KLHL29: variants seen among roughly 807,000 people sequenced by gnomAD.
KLHL29 encodes kelch-like protein 29.
KLHL29 carries 21 observed loss-of-function variants against 80.4 expected under a neutral mutation model. That is an observed-to-expected ratio of 0.26 (90% CI 0.19 to 0.38). The LOEUF is 0.38. KLHL29 is among the 10% of genes least tolerant of loss of function. The pLI is 1.00. For synonymous variants in KLHL29, 511 were observed against 526.8 expected (o/e 0.97, Z 0.41); for missense variants, 867 against 1,223.9 (o/e 0.71, Z 4.35).
At chr2:23,623,971 G>A (rs757564041) in intron 3 of KLHL29, among the ~76,000 whole-genome samples, 5 of 152,142 alleles carry the variant, frequency 3.3e-5, no homozygotes, top group East Asian at 1.9e-4. Context: ...CTAACTCCCC[G>A]TGAATAAACA....
In KLHL29 at chr2:23,507,138, GC is replaced by G. The variant is rs1384378270; in HGVS notation, c.-46+31474del. On this transcript the variant is annotated intron_variant, in intron 2 of 13. Transcript: ENST00000486442. Reference sequence around the variant, plus strand: ...TGCCTGGGTGGACCTGCACGGGTGTGCCCAGCTGTTGGTGGCGCTCACTCCC... The same window carrying G: ...TGCCTGGGTGGACCTGCACGGGTGTGCCAGCTGTTGGTGGCGCTCACTCCC... The G allele has an allele frequency of 9.1e-6, 4 of 438,676 alleles. No homozygotes were observed. In the Admixed American group the frequency reaches 9.7e-5, roughly 11 times the overall value. 27.2% of individuals were successfully genotyped at this position (438,676 alleles called of 1,614,324 possible). A position where few individuals can be genotyped will look rare whatever the true frequency, so the allele number is the denominator to read the frequency against.
rs193116124 is a variant in KLHL29 at position 23,465,633 on chromosome 2, C to T, written c.-153-9927C>T. 1.8e-4 allele frequency among the ~76,000 whole-genome samples: 28 copies of T among 152,316 alleles called. 1 individual carries two copies. Among genetic ancestry groups the T allele is most frequent in the Admixed American group, 1.7e-3 (26 of 15,310 alleles). The stretch of plus-strand genomic sequence containing the variant: ...CTTTTCTCCTGTCCTGTCTCATACC[C>T]TAGTGCTTCCTTGGATCAACTCCCA... On this transcript the variant is annotated intron_variant, in intron 1 of 13. Transcript: ENST00000486442.
intron 1 of KLHL29, among the ~76,000 whole-genome samples, chr2:23,392,762 C>G (rs1202211253): frequency 6.6e-6 from 1 of 152,200 alleles, no homozygotes; most frequent in East Asian, 1.9e-4. Flanking sequence ...CGTGTGTGCA[C>G]ATGCGCCTAT....
At chr2:23,550,457 C>T (rs183997567) in intron 2 of KLHL29, among the ~76,000 whole-genome samples, 2 of 152,314 alleles carry the variant, frequency 1.3e-5, no homozygotes, top group East Asian at 3.9e-4. Context: ...ATCCTGCTCA[C>T]TGAAGTGGCT....
At position 23,695,689 on chromosome 2, in the gene KLHL29, G is replaced by A; in HGVS notation, c.1609G>A (p.Val537Ile). The A allele has an allele frequency of 6.4e-7, 1 of 1,551,666 alleles. No homozygotes were observed. The highest frequency in any genetic ancestry group is 2.4e-5 in the East Asian group (1 of 40,918). ...FIHPSYLLNVVDNEELIKSSE... is the reference protein window; with the variant it reads ...FIHPSYLLNVIDNEELIKSSE... The stretch of plus-strand genomic sequence containing the variant: ...CCACCCCAGCTACCTGCTCAATGTG[G>A]TTGACAATGAAGAGCTGATCAAGTC... The change falls in exon 9 of 14, where the codon GTT (valine) becomes ATT (isoleucine). Residue 537 changes from valine to isoleucine, a missense_variant. Transcript: ENST00000486442. The surrounding 1 kb of genome is among the most constrained non-coding windows in gnomAD (Gnocchi z 7.6).
rs55790582 is a variant in KLHL29, at chr2:23,408,263, T to TAAAAAAAAAA, written c.-154+22512_-154+22521dup. Among the ~76,000 whole-genome samples, 43 of 52,688 alleles carry TAAAAAAAAAA rather than the reference T, an allele frequency of 8.2e-4. 2 individuals are homozygous for TAAAAAAAAAA. Among genetic ancestry groups the TAAAAAAAAAA allele is most frequent in the East Asian group, 3.8e-3 (4 of 1,056 alleles). The allele number at this position is 52,688 out of a possible 152,430, so 34.6% of individuals were successfully genotyped here. ...GAGGAAATTTAGAAGCATTTCACGCTAAAAAAAAAAAAAAAAAAAAAAAAA... is the reference window on the plus strand; with the variant it reads ...GAGGAAATTTAGAAGCATTTCACGCTAAAAAAAAAAAAAAAAAAAAAAAAAAAAAAAAAAA... On this transcript the variant is annotated intron_variant, in intron 1 of 13. Coordinates refer to ENST00000486442, the MANE Select transcript of KLHL29 (RefSeq NM_052920.2).
rs1047712600 is a variant in KLHL29 at position 23,385,372 on chromosome 2, G to A, written c.-562G>A. ...TGAGCGCAGCCCCCGCCCGGAGCCC[G>A]AGCCGCGAGCCCGGAGCCAGCCCCA... On this transcript the variant is annotated 5_prime_UTR_variant, in exon 1 of 14. Transcript: ENST00000486442. 2.0e-5 allele frequency: 3 copies of A among 146,680 alleles called. No homozygotes were observed. The highest frequency in any genetic ancestry group is 4.9e-5 in the African/African-American group (2 of 40,426). The allele number at this position is 146,680 out of a possible 1,614,324, so 9.1% of individuals were successfully genotyped here.
intron 1 of KLHL29, among the ~76,000 whole-genome samples, chr2:23,396,060 G>T (rs139116312): frequency 4.3e-4 from 66 of 152,332 alleles, no homozygotes; most frequent in Admixed American, 5.2e-4. Flanking sequence ...GACATGTCCC[G>T]TGATTTTATA....
At chr2:23,633,466 G>A (rs558086517) in intron 3 of KLHL29, among the ~76,000 whole-genome samples, 1 of 152,214 alleles carries the variant, frequency 6.6e-6, no homozygotes, top group Non-Finnish European at 1.5e-5. Flanking sequence ...AAGATACACA[G>A]TAGTCTGTGT....
chr2:23,393,435 G>C (rs1287902555), intron 1 of KLHL29, among the ~76,000 whole-genome samples: 1 of 152,220 alleles, frequency 6.6e-6, no homozygotes, highest in Non-Finnish European at 1.5e-5. Flanking sequence ...ACCTGGGTCT[G>C]TCTGGCGCTT....
At chr2:23,683,928 T>C (rs548231678) in intron 5 of KLHL29, among the ~76,000 whole-genome samples, 31 of 152,320 alleles carry the variant, frequency 2.0e-4, no homozygotes, top group African/African-American at 6.7e-4. Context: ...TTTGCAGGTT[T>C]TGTGGTTGTG....
rs1305012454 is a variant in KLHL29 at position 23,562,146 on chromosome 2, C to G, written c.-45-6C>G. 6.5e-7 allele frequency: 1 copy of G among 1,545,922 alleles called. No individual in the cohort carries two copies. The highest frequency in any genetic ancestry group is 2.4e-5 in the East Asian group (1 of 40,910). Reference sequence around the variant, plus strand: ...AATCACCCTTCTCTCCACCCTGTCACCACAGGTCCGGGCTCTGTTTCCCTG... The same window carrying G: ...AATCACCCTTCTCTCCACCCTGTCAGCACAGGTCCGGGCTCTGTTTCCCTG... On this transcript the variant is annotated splice_region_variant and splice_polypyrimidine_tract_variant and intron_variant, in intron 2 of 13. Coordinates refer to ENST00000486442, the MANE Select transcript of KLHL29 (RefSeq NM_052920.2). The surrounding 1 kb of genome is among the most constrained non-coding windows in gnomAD (Gnocchi z 4.5).
intron 13 of KLHL29, among the ~76,000 whole-genome samples, chr2:23,704,878 T>C (rs1672621701): frequency 6.6e-6 from 1 of 152,248 alleles, no homozygotes; most frequent in South Asian, 2.1e-4. Flanking sequence ...AGTGTGGGAA[T>C]AGCATGAAGT....
intron 5 of KLHL29, among the ~76,000 whole-genome samples, chr2:23,666,495 C>T (rs964648045): frequency 6.6e-6 from 1 of 152,154 alleles, no homozygotes; most frequent in African/African-American, 2.4e-5. Flanking sequence ...GGCCAAAAGC[C>T]AGCAGGTTGC....
intron 5 of KLHL29, among the ~76,000 whole-genome samples, chr2:23,645,447 A>G (rs1363888578): frequency 6.6e-6 from 1 of 152,068 alleles, no homozygotes; most frequent in Non-Finnish European, 1.5e-5. Flanking sequence ...CACAAGTCAG[A>G]ACTCCACTTT....
At chr2:23,494,260 A>G (rs1252565977) in intron 2 of KLHL29, among the ~76,000 whole-genome samples, 1 of 152,220 alleles carries the variant, frequency 6.6e-6, no homozygotes, top group African/African-American at 2.4e-5. Context: ...ATTTTAATTG[A>G]CTATGGCAAC....
chr2:23,475,156 C>T (rs1664596774), intron 1 of KLHL29, among the ~76,000 whole-genome samples: 2 of 152,064 alleles, frequency 1.3e-5, no homozygotes, highest in Admixed American at 6.5e-5. Context: ...TAAATGTTTT[C>T]TTTTTCCCCA....
chr2:23,593,941 TG>T (rs1407442460), intron 3 of KLHL29, among the ~76,000 whole-genome samples: 1 of 152,126 alleles, frequency 6.6e-6, no homozygotes, highest in African/African-American at 2.4e-5. Flanking sequence ...AGCCCGGGCC[TG>T]GGAGAAGGGT....
At chr2:23,441,111 A>C (rs191160316) in intron 1 of KLHL29, among the ~76,000 whole-genome samples, 2,653 of 152,286 alleles carry the variant, frequency 0.017, 89 homozygotes, top group African/African-American at 0.06. Flanking sequence ...TGGATTAAGA[A>C]AATGTAGCAT....
Sources: gnomAD v4.1 joint callset for allele counts (sites outside exome capture counted in the v4.1 genomes callset) on GRCh38, gnomAD v4.1.1 for gene constraint, Gnocchi (gnomAD v3.1) non-coding constraint, MANE v1.5 for transcripts, NCBI Gene and HGNC (gene_info 2026-07-23, HGNC 2026-07-21) for gene names.